Variants in GNAL observed in about 807,000 individuals in gnomAD.
GNAL encodes guanine nucleotide-binding protein G(olf) subunit alpha.
GNAL carries 18 observed loss-of-function variants against 55.1 expected under a neutral mutation model. The observed-to-expected ratio is 0.33, with a 90% CI of 0.23 to 0.48. The LOEUF is 0.48. GNAL is among the 20% of genes least tolerant of loss of function. The pLI, the probability that GNAL is intolerant of heterozygous loss-of-function variation, is 0.99. For missense variants in GNAL, 412 were observed against 614.1 expected, an observed-to-expected ratio of 0.67 and a Z score of 3.48; for synonymous variants, 253 against 237.0, an observed-to-expected ratio of 1.07 and a Z score of -0.62.
Position 11,884,508 on chromosome 18 carries a change from A to C in GNAL, c.*3373A>C. ...AAAGAAAAGGTGAGGCTAGAAGCCCAAAGTGAGTGAGTGTGAGGACCACAA... is the reference window on the plus strand; with the variant it reads ...AAAGAAAAGGTGAGGCTAGAAGCCCCAAGTGAGTGAGTGTGAGGACCACAA... On this transcript the variant is annotated 3_prime_UTR_variant, in exon 12 of 12. Transcript: ENST00000334049. 11 of 1,614,198 alleles carry C rather than the reference A, an allele frequency of 6.8e-6. No individual in the cohort carries two copies. The highest frequency in any genetic ancestry group is 8.5e-6 in the Non-Finnish European group (10 of 1,180,030).
chr18:11,797,982 C>T (rs1049288775), intron 4 of GNAL, among the ~76,000 whole-genome samples: 14 of 152,162 alleles, frequency 9.2e-5, no homozygotes, highest in African/African-American at 2.9e-4. Context: ...AACATTATAA[C>T]TTAAATGAAT....
rs7236433 is a variant in GNAL at position 11,689,700 on chromosome 18, G to A, written c.137G>A (p.Arg46Lys). The change falls in exon 1 of 12, where the codon AGG (arginine) becomes AAG (lysine). Residue 46 changes from arginine to lysine, a missense_variant. By Grantham distance (26) the Arg-to-Lys change is conservative. Coordinates refer to ENST00000334049, the MANE Select transcript of GNAL (RefSeq NM_182978.4). ...PALAPVRAAA[R>K]DTARTLLPRG... ...CTGGCCCCAGTCCGGGCGGCCGCAA[G>A]GGACACGGCCCGGACCCTGCTCCCT... is the stretch of plus-strand genomic sequence containing the variant. 0.14 allele frequency: 211,173 copies of A among 1,472,928 alleles called. 16,272 individuals are homozygous for A. The highest frequency in any genetic ancestry group is 0.16 in the Non-Finnish European group (175,441 of 1,116,910). 91.2% of individuals were successfully genotyped at this position (1,472,928 alleles called of 1,614,324 possible).
intron 5 of GNAL, among the ~76,000 whole-genome samples, chr18:11,856,062 C>G (rs914311259): frequency 3.3e-5 from 5 of 151,284 alleles, no homozygotes; most frequent in Admixed American, 2.6e-4. Flanking sequence ...GCCAAGCACA[C>G]TATAAAGCAG....
intron 1 of GNAL, among the ~76,000 whole-genome samples, chr18:11,691,931 G>A (rs1467030301): frequency 6.6e-6 from 1 of 152,126 alleles, no homozygotes; most frequent in African/African-American, 2.4e-5. Context: ...TCTCCTAGTA[G>A]TATTTTTCAG....
chr18:11,771,712 T>C (rs1409307655), intron 4 of GNAL, among the ~76,000 whole-genome samples: 1 of 151,756 alleles, frequency 6.6e-6, no homozygotes, highest in Non-Finnish European at 1.5e-5. Flanking sequence ...TGTGCAAATT[T>C]TTTTGTTGTT....
At chr18:11,872,173 A>T in intron 9 of GNAL, 95 bp from the exon 10 acceptor site, 1 of 731,830 alleles carries the variant, frequency 1.4e-6, no homozygotes. Flanking sequence ...TTTTAGGAAG[A>T]CGATGGTATT....
rs775796754 is a variant in GNAL, at chr18:11,851,905, A to G, written c.723-10490A>G. On this transcript the variant is annotated intron_variant, in intron 5 of 11. Coordinates refer to ENST00000334049, the MANE Select transcript of GNAL (RefSeq NM_182978.4). ...GACTCTGGACGTCCAGACGCAGCAA[A>G]TGGAAGACACGATGAGCAGCACGAC... The G allele has an allele frequency of 6.2e-7, 1 of 1,613,888 alleles. No individual in the cohort carries two copies. Among genetic ancestry groups the G allele is most frequent in the Non-Finnish European group, 8.5e-7 (1 of 1,179,868 alleles).
chr18:11,738,338 T>C (rs2032501242), intron 1 of GNAL, among the ~76,000 whole-genome samples: 1 of 151,976 alleles, frequency 6.6e-6, no homozygotes, highest in African/African-American at 2.4e-5. Flanking sequence ...TAACTTCTTG[T>C]AGCATGCATT....
chr18:11,787,848 T>C (rs1261053994), intron 4 of GNAL, among the ~76,000 whole-genome samples: 1 of 146,126 alleles, frequency 6.8e-6, no homozygotes, highest in Admixed American at 6.9e-5. Flanking sequence ...CACTCCAGCC[T>C]GGGAGACAGA....
rs1479234763 is a variant in GNAL, at chr18:11,774,963, A to T, written c.624+21018A>T. 2.0e-5 allele frequency among the ~76,000 whole-genome samples: 3 copies of T among 152,344 alleles called. No homozygotes were observed. The East Asian group carries it at 5.8e-4, about 29-fold the overall frequency. The stretch of plus-strand genomic sequence containing the variant: ...ATCTATCTGGAGATGGGCAGGGCTC[A>T]CACAGCACAGGCCATCTTTCAGTTC... On this transcript the variant is annotated intron_variant, in intron 4 of 11. Coordinates refer to ENST00000334049, the MANE Select transcript of GNAL (RefSeq NM_182978.4).
intron 5 of GNAL, among the ~76,000 whole-genome samples, chr18:11,845,166 G>A (rs573603980): frequency 8.6e-5 from 13 of 152,042 alleles, no homozygotes; most frequent in Non-Finnish European, 1.6e-4. Flanking sequence ...GCCCAGCCTC[G>A]CTATTTTTAA....
chr18:11,856,320 G>A (rs552696867), intron 5 of GNAL, among the ~76,000 whole-genome samples: 1 of 151,510 alleles, frequency 6.6e-6, no homozygotes, highest in Non-Finnish European at 1.5e-5. Flanking sequence ...GCCAGGCAAT[G>A]TCTGTCATAG....
chr18:11,791,296 GT>G (rs1207706836), intron 4 of GNAL, among the ~76,000 whole-genome samples: 1 of 152,192 alleles, frequency 6.6e-6, no homozygotes, highest in African/African-American at 2.4e-5. Context: ...CTGCCTGTTT[GT>G]TTCTTTGTTG....
chr18:11,867,327 T>A, intron 8 of GNAL, 101 bp downstream of exon 8: 4 of 769,830 alleles, frequency 5.2e-6, no homozygotes, highest in Non-Finnish European at 9.2e-6. Context: ...AACTAATATG[T>A]AAAGTATAGC....
intron 5 of GNAL, among the ~76,000 whole-genome samples, chr18:11,838,600 C>T (rs1317429282): frequency 6.6e-6 from 1 of 152,166 alleles, no homozygotes; most frequent in Non-Finnish European, 1.5e-5. Flanking sequence ...AATTTGGAGA[C>T]TCCTGATCAT....
chr18:11,729,467 G>A (rs945053033), intron 1 of GNAL, among the ~76,000 whole-genome samples: 6 of 152,084 alleles, frequency 3.9e-5, no homozygotes, highest in East Asian at 1.9e-4. Context: ...TTTAACGGTC[G>A]ATTACAAGTG....
intron 1 of GNAL, among the ~76,000 whole-genome samples, chr18:11,691,856 C>T (rs1170645932): frequency 6.6e-6 from 1 of 152,172 alleles, no homozygotes; most frequent in Non-Finnish European, 1.5e-5. Flanking sequence ...AGTGTGCTCG[C>T]TGTGTAACTG....
In GNAL at chr18:11,775,939, G is replaced by A. The variant is rs139136676; in HGVS notation, c.624+21994G>A. 2.5e-4 allele frequency among the ~76,000 whole-genome samples: 38 copies of A among 152,310 alleles called. 1 individual carries two copies. The East Asian group carries it at 6.9e-3, about 28-fold the overall frequency. On this transcript the variant is annotated intron_variant, in intron 4 of 11. Coordinates refer to ENST00000334049, the MANE Select transcript of GNAL (RefSeq NM_182978.4). ...ATTTCTGATTTGGATGGCTAGGCTC[G>A]CCAGAATGTCATTAACTGGGATGTT... is the stretch of plus-strand genomic sequence containing the variant.
intron 1 of GNAL, 54 bp downstream of exon 1, chr18:11,689,993 G>A (rs1598395089): frequency 2.8e-6 from 3 of 1,071,076 alleles, no homozygotes; most frequent in Non-Finnish European, 2.4e-6. Context: ...CGCCGGGCCC[G>A]CGGGGGCGGC....
Sources: allele counts gnomAD v4.1 joint callset (sites outside exome capture counted in the v4.1 genomes callset), GRCh38; gene constraint gnomAD v4.1.1; transcripts MANE v1.5; gene names NCBI Gene and HGNC (gene_info 2026-07-23, HGNC 2026-07-21).